Variants in IGF2R observed in about 807,000 individuals in gnomAD.
IGF2R encodes the protein insulin like growth factor 2 receptor.
Under a neutral mutation model 270.6 loss-of-function variants are expected in IGF2R, and 91 were observed. The observed-to-expected ratio is 0.34, with a 90% confidence interval of 0.28 to 0.40. IGF2R has a LOEUF of 0.40. Among genes scored for constraint, IGF2R ranks in the 10% least tolerant of loss-of-function variants. IGF2R has a pLI of 1.00. For synonymous variants in IGF2R, 1,316 were observed against 1,258.9 expected, an observed-to-expected ratio of 1.05 and a Z score of -0.96; for missense variants, 2,805 against 3,188.3, an observed-to-expected ratio of 0.88 and a Z score of 2.90.
At position 160,104,884 on chromosome 6, in the gene IGF2R, G is replaced by A. The variant is rs771418989; in HGVS notation, c.7276G>A (p.Gly2426Arg). The A allele has an allele frequency of 2.5e-6, 4 of 1,614,178 alleles. No homozygotes were observed. Among genetic ancestry groups the A allele is most frequent in the Admixed American group, 1.7e-5 (1 of 60,028 alleles). Residue 2426 changes from glycine to arginine, a missense_variant, in exon 48 of 48, where the codon GGA becomes AGA. By Grantham distance (125) the Gly-to-Arg change is moderately radical (BLOSUM62 -2). Coordinates refer to ENST00000356956, the MANE Select transcript of IGF2R (RefSeq NM_000876.4). Reference sequence around the variant, plus strand: ...AGAGGTGAAAGTTCACTCGGGCAGGGGAGCTGGGGCAGAGAGCTCCCACCC... The same window carrying A: ...AGAGGTGAAAGTTCACTCGGGCAGGAGAGCTGGGGCAGAGAGCTCCCACCC... ...IPEVKVHSGR[G>R]AGAESSHPVR...
rs946904479 is a variant in IGF2R at position 159,978,238 on chromosome 6, C to T, written c.149+8843C>T. Among the ~76,000 whole-genome samples, 10 of 152,242 alleles carry T rather than the reference C, an allele frequency of 6.6e-5. No homozygotes were observed. The South Asian group carries it at 1.2e-3, about 19-fold the overall frequency. ...CAAAGCCACTGGACTCCGTGATTTCCGGGTCCATTTTGCATCCCAAATTCT... is the reference window on the plus strand; with the variant it reads ...CAAAGCCACTGGACTCCGTGATTTCTGGGTCCATTTTGCATCCCAAATTCT... On this transcript the variant is annotated intron_variant, in intron 1 of 47. Coordinates refer to ENST00000356956, the MANE Select transcript of IGF2R (RefSeq NM_000876.4).
intron 10 of IGF2R, among the ~76,000 whole-genome samples, chr6:160,037,187 A>G (rs529094750): frequency 6.6e-6 from 1 of 152,316 alleles, no homozygotes; most frequent in African/African-American, 2.4e-5. Context: ...CCTGATGTTA[A>G]AAAACCCATG....
chr6:160,004,940 A>G lies in IGF2R; in HGVS notation c.290-4070A>G, dbSNP rs1244415920. 1 of 152,142 alleles carries G rather than the reference A, an allele frequency of 6.6e-6. No homozygotes were observed. Among genetic ancestry groups the G allele is most frequent in the African/African-American group, 2.4e-5 (1 of 41,408 alleles). The allele number at this position is 152,142 out of a possible 1,614,324, so 9.4% of individuals were successfully genotyped here. A position where few individuals can be genotyped will look rare whatever the true frequency, so the allele number is the denominator to read the frequency against. ...CGGCTGGGTCGGGTTTTATAAGCAT[A>G]AGCTTATTACCATAAGGTAATGAGG... On this transcript the variant is annotated intron_variant, in intron 2 of 47. Coordinates refer to ENST00000356956, the MANE Select transcript of IGF2R (RefSeq NM_000876.4). This position sits in a 1 kb window ranked among gnomAD's most constrained non-coding sequence, Gnocchi z 5.2.
chr6:160,009,965 A>G (rs1030739602), intron 3 of IGF2R, among the ~76,000 whole-genome samples: 4 of 145,288 alleles, frequency 2.8e-5, no homozygotes, highest in African/African-American at 5.1e-5. Flanking sequence ...TATAAATTGC[A>G]TCGTTGTGCA....
chr6:160,013,735 A>AT (rs888870720), intron 4 of IGF2R, among the ~76,000 whole-genome samples: 187 of 151,252 alleles, frequency 1.2e-3, no homozygotes, highest in African/African-American at 3.1e-3. Context: ...TCATTAACTC[A>AT]TTTTTTTTTG....
rs8191776 is a variant in IGF2R at position 160,043,201 on chromosome 6, A to T, written c.1534A>T (p.Lys512Ter). ...TGGCAGTCAGACGGAAACAGAGAAGAAGCATTTTTTCATTAATATTTGTCA... is the reference window on the plus strand; with the variant it reads ...TGGCAGTCAGACGGAAACAGAGAAGTAGCATTTTTTCATTAATATTTGTCA... Reference protein sequence around the residue: ...VDGSQTETEKKHFFINICHRV... With the variant: ...VDGSQTETEK The change falls in exon 12 of 48, where the codon AAG (lysine) becomes TAG (stop). Residue 512 changes from lysine (K) to a stop codon, truncating the protein, a stop_gained. Transcript: ENST00000356956. LOFTEE classifies it high-confidence loss of function. The T allele has an allele frequency of 6.8e-6, 11 of 1,614,074 alleles. 1 individual carries two copies. The Admixed American group carries it at 1.0e-4, about 15-fold the overall frequency.
At position 160,072,771 on chromosome 6, in the gene IGF2R, T is replaced by G. The variant is rs1562367812; in HGVS notation, c.4577T>G (p.Leu1526Arg). 6.2e-7 allele frequency: 1 copy of G among 1,614,228 alleles called. No homozygotes were observed. The highest frequency in any genetic ancestry group is 1.3e-5 in the African/African-American group (1 of 75,064). Residue 1526 changes from leucine to arginine, a missense_variant, in exon 33 of 48, where the codon CTG (leucine) becomes CGG (arginine). Leu to Arg is a moderately radical substitution (Grantham distance 102). This residue lies in a region of IGF2R where 1,851 missense variants were observed against 2,207.2 expected (regional missense o/e 0.84). Coordinates refer to ENST00000356956, the MANE Select transcript of IGF2R (RefSeq NM_000876.4). ...CQVTNPSTGH[L>R]FDLSSLSGRA... ...ATCTTCTTCCACCCTACAGGACACC[T>G]GTTTGATCTGAGCTCCTTAAGTGGC... is the stretch of plus-strand genomic sequence containing the variant.
In IGF2R at chr6:160,075,899, T is replaced by A; in HGVS notation, c.5219T>A (p.Ile1740Asn). The A allele has an allele frequency of 6.2e-7, 1 of 1,614,114 alleles. No homozygotes were observed. The highest frequency in any genetic ancestry group is 8.5e-7 in the Non-Finnish European group (1 of 1,179,962). ...PPILNPIANE[I>N]YLNFESSTPC... ...ATACTCAATCCAATAGCAAATGAGA[T>A]TTACTTGAATTTTGAAAGCAGTACT... The change falls in exon 36 of 48, where the codon ATT becomes AAT. Residue 1740 changes from isoleucine to asparagine, a missense_variant. This residue lies in a region of IGF2R where 1,851 missense variants were observed against 2,207.2 expected (regional missense o/e 0.84). Coordinates refer to ENST00000356956, the MANE Select transcript of IGF2R (RefSeq NM_000876.4).
intron 1 of IGF2R, among the ~76,000 whole-genome samples, chr6:159,980,126 A>G (rs1206368680): frequency 6.6e-6 from 1 of 151,662 alleles, no homozygotes; most frequent in Non-Finnish European, 1.5e-5. Context: ...GCTTGCAGTG[A>G]GCTGAGATCG....
At position 160,060,611 on chromosome 6, in the gene IGF2R, A is replaced by T; in HGVS notation, c.3156A>T (p.Lys1052Asn). 6.2e-7 allele frequency: 1 copy of T among 1,614,230 alleles called. No homozygotes were observed. The highest frequency in any genetic ancestry group is 1.3e-5 in the African/African-American group (1 of 75,056). Reference protein sequence around the residue: ...CNDDVYSGPLKFLHQDIDSGQ... With the variant: ...CNDDVYSGPLNFLHQDIDSGQ... ...ATGATGTTTACTCAGGGCCCCTCAA[A>T]TTCCTGCATCAAGATATCGACTCTG... The change falls in exon 23 of 48, where the codon AAA (lysine) becomes AAT (asparagine). Residue 1052 changes from lysine to asparagine, a missense_variant. By Grantham distance (94) the Lys-to-Asn change is moderately conservative (BLOSUM62 0). Transcript: ENST00000356956.
At chr6:160,008,660 G>A (rs78277868) in intron 2 of IGF2R, among the ~76,000 whole-genome samples, 1,937 of 152,278 alleles carry the variant, frequency 0.013, 19 homozygotes, top group Non-Finnish European at 0.022. Flanking sequence ...TGGGGCTGGC[G>A]AGGGATGAGA....
chr6:160,082,406 T>G (rs1022887763), intron 39 of IGF2R, among the ~76,000 whole-genome samples: 5 of 152,000 alleles, frequency 3.3e-5, no homozygotes, highest in Non-Finnish European at 7.4e-5. Flanking sequence ...ACCTTCTGGT[T>G]TCAAGTGATA....
Position 160,102,830 on chromosome 6 carries a change from G to A in IGF2R, c.6995+159G>A, listed in dbSNP as rs748348527. Among the ~76,000 whole-genome samples the A allele has an allele frequency of 5.3e-5, 8 of 152,302 alleles. No homozygotes were observed. The East Asian group carries it at 5.8e-4, about 11-fold the overall frequency. ...AAACTCTCTGGAAGCAGTCCCCAGC[G>A]TTGTGGTTTTTAAATGCCTGCATTT... On this transcript the variant is annotated intron_variant, in intron 46 of 47. Transcript: ENST00000356956. This position sits in a 1 kb window ranked among gnomAD's most constrained non-coding sequence, Gnocchi z 4.5.
intron 2 of IGF2R, among the ~76,000 whole-genome samples, chr6:159,993,789 G>A (rs1197107352): frequency 6.6e-6 from 1 of 152,044 alleles, no homozygotes; most frequent in African/African-American, 2.4e-5. Context: ...GATAAGAATT[G>A]CACTGAATCT....
intron 2 of IGF2R, 90 bp from the exon 3 acceptor site, chr6:160,008,920 T>C: frequency 2.3e-6 from 3 of 1,323,442 alleles, no homozygotes; most frequent in East Asian, 4.6e-5. Flanking sequence ...AGATACATTA[T>C]AATGCTACTT....
At chr6:160,065,149 C>G (rs971553895) in intron 29 of IGF2R, among the ~76,000 whole-genome samples, 1 of 152,176 alleles carries the variant, frequency 6.6e-6, no homozygotes, top group African/African-American at 2.4e-5. Flanking sequence ...GGCACTCTTG[C>G]GTGATCCACA....
chr6:159,989,086 A>T (rs145978307), intron 1 of IGF2R, among the ~76,000 whole-genome samples: 1 of 152,152 alleles, frequency 6.6e-6, no homozygotes, highest in Non-Finnish European at 1.5e-5. Context: ...AAGATTGGGC[A>T]CCTGAGTACC....
intron 21 of IGF2R, 126 bp downstream of exon 21, chr6:160,058,250 A>G: frequency 1.5e-6 from 1 of 656,784 alleles, no homozygotes; most frequent in Middle Eastern, 2.5e-4. Context: ...CTTACTCAGA[A>G]GGAGATGGGA....
In IGF2R at chr6:160,050,624, T is replaced by A; in HGVS notation, c.2666T>A (p.Ile889Asn). Residue 889 changes from isoleucine to asparagine, a missense_variant, in exon 19 of 48, where the codon ATC (isoleucine) becomes AAC (asparagine). By Grantham distance (149) the Ile-to-Asn change is moderately radical. This residue lies in a region of IGF2R where 1,851 missense variants were observed against 2,207.2 expected (regional missense o/e 0.84). Transcript: ENST00000356956. This position sits in a 1 kb window ranked among gnomAD's most constrained non-coding sequence, Gnocchi z 4.0. Reference sequence around the variant, plus strand: ...AGACAGACCACATATACCACGAGGATCCATCTCGTCTGCTCCAGGGGCAGG... The same window carrying A: ...AGACAGACCACATATACCACGAGGAACCATCTCGTCTGCTCCAGGGGCAGG... ...DGRQTTYTTRIHLVCSRGRLN... is the reference protein window; with the variant it reads ...DGRQTTYTTRNHLVCSRGRLN... 6.2e-7 allele frequency: 1 copy of A among 1,610,140 alleles called. No individual in the cohort carries two copies. The highest frequency in any genetic ancestry group is 1.1e-5 in the South Asian group (1 of 90,948).
Sources: gnomAD v4.1 joint callset for allele counts (sites outside exome capture counted in the v4.1 genomes callset) on GRCh38, gnomAD v4.1.1 for gene constraint, gnomAD v4.1.1 regional missense constraint, Gnocchi (gnomAD v3.1) non-coding constraint, MANE v1.5 for transcripts, NCBI Gene and HGNC (gene_info 2026-07-23, HGNC 2026-07-21) for gene names.